The following CDH24 variants were observed in gnomAD, a reference collection of about 807,000 sequenced individuals.
CDH24 encodes the protein cadherin-24.
A neutral mutation model predicts 71.2 loss-of-function variants in CDH24; 61 were observed. The ratio of observed to expected loss-of-function variants is 0.86; its 90% confidence interval spans 0.70 to 1.06. CDH24 has a LOEUF of 1.06. Ranked by LOEUF, CDH24 falls within the 50% of genes least tolerant of loss-of-function variation. The pLI, the probability that CDH24 is intolerant of heterozygous loss-of-function variation, is 0.00. For missense variants in CDH24, 961 were observed against 1,083.7 expected (o/e 0.89, Z 1.59); for synonymous variants, 440 against 470.2 (o/e 0.94, Z 0.83).
Position 23,052,512 on chromosome 14 carries a change from G to C in CDH24, c.1324C>G (p.Arg442Gly). ...HTAAPLDREARAWHNLTVLAT... is the reference protein window; with the variant it reads ...HTAAPLDREAGAWHNLTVLAT... ...AGCACAGTGAGGTTGTGCCAGGCGCGAGCCTCGCGATCCAGGGGTGCTGCT... is the reference window on the plus strand; with the variant it reads ...AGCACAGTGAGGTTGTGCCAGGCGCCAGCCTCGCGATCCAGGGGTGCTGCT... The change falls in exon 8 of 13, where the codon CGC (arginine) becomes GGC (glycine). Residue 442 changes from arginine to glycine, a missense_variant. By Grantham distance (125) the Arg-to-Gly change is moderately radical (BLOSUM62 -2). Around this residue, in one of 2 missense-constraint regions of CDH24, gnomAD observed 671 missense variants for 810.9 expected, o/e 0.83. Coordinates refer to ENST00000487137, the MANE Select transcript of CDH24 (RefSeq NM_144985.4). The C allele has an allele frequency of 1.2e-6, 2 of 1,614,074 alleles. No individual in the cohort carries two copies. Among genetic ancestry groups the C allele is most frequent in the East Asian group, 2.2e-5 (1 of 44,884 alleles).
In CDH24 at chr14:23,048,298, G is replaced by C. The variant is rs767105892; in HGVS notation, c.2028C>G (p.Pro676=). ...QNPDGAAPPA[P]GPPARRDVLP... ...ACACGTCTCGGCGCGCGGGAGGGCCGGGCGCCGGGGGGGCCGCCCCGTCCG... is the reference window on the plus strand; with the variant it reads ...ACACGTCTCGGCGCGCGGGAGGGCCCGGCGCCGGGGGGGCCGCCCCGTCCG... The change falls in exon 12 of 13, where the codon CCC becomes CCG. Residue 676 remains proline (P), a synonymous_variant. Coordinates refer to ENST00000487137, the MANE Select transcript of CDH24 (RefSeq NM_144985.4). The C allele has an allele frequency of 1.0e-4, 161 of 1,595,578 alleles. No homozygotes were observed. In the African/African-American group the frequency reaches 2.1e-3, roughly 20 times the overall value.
At position 23,055,117 on chromosome 14, in the gene CDH24, A is replaced by G. The variant is rs941391190; in HGVS notation, c.438T>C (p.Asn146=). ...AGGGCCCAAGGGGAAAAATGGGTGG[A>G]TTGTCGTTGATGTCTTGCACTTTGA... The part of the protein sequence containing the change: ...FIIKVQDIND[N]PPIFPLGPYH... Residue 146 remains asparagine, a synonymous_variant, in exon 3 of 13, where the codon AAT becomes AAC. Transcript: ENST00000487137. This position sits in a 1 kb window ranked among gnomAD's most constrained non-coding sequence, Gnocchi z 4.1. 8 of 1,613,764 alleles carry G rather than the reference A, an allele frequency of 5.0e-6. No homozygotes were observed. Among genetic ancestry groups the G allele is most frequent in the African/African-American group, 1.3e-5 (1 of 74,926 alleles).
chr14:23,052,228 AC>A (rs2047089769), intron 8 of CDH24: 1 of 722,422 alleles, frequency 1.4e-6, no homozygotes, highest in African/African-American at 1.8e-5. Flanking sequence ...CACTGTGCCC[AC>A]CCAGCCCAGC....
At position 23,047,971 on chromosome 14, in the gene CDH24, C is replaced by T; in HGVS notation, c.*9G>A. On this transcript the variant is annotated 3_prime_UTR_variant, in exon 12 of 13. Coordinates refer to ENST00000487137, the MANE Select transcript of CDH24 (RefSeq NM_144985.4). ...CCCCCCCCGCGGTGGGCCGGGCCAGCCCGGGCGCTCAGGGGGCCGGGGGCT... is the reference window on the plus strand; with the variant it reads ...CCCCCCCCGCGGTGGGCCGGGCCAGTCCGGGCGCTCAGGGGGCCGGGGGCT... 2 of 1,326,178 alleles carry T rather than the reference C, an allele frequency of 1.5e-6. No homozygotes were observed. Among genetic ancestry groups the T allele is most frequent in the Non-Finnish European group, 1.9e-6 (2 of 1,043,872 alleles). The allele number at this position is 1,326,178 out of a possible 1,614,324, so 82.2% of individuals were successfully genotyped here. A position where few individuals can be genotyped will look rare whatever the true frequency, so the allele number is the denominator to read the frequency against.
Position 23,055,026 on chromosome 14 carries a change from G to T in CDH24, c.496+33C>A, listed in dbSNP as rs372977474. On this transcript the variant is annotated intron_variant, in intron 3 of 12. Transcript: ENST00000487137. The surrounding 1 kb of genome is among the most constrained non-coding windows in gnomAD (Gnocchi z 4.1). ...GAGAGGTGAGAGAGCTCCAGAAGAC[G>T]GGAACTGGGGCATTCAGAGCTGGGG... The T allele has an allele frequency of 2.5e-5, 40 of 1,597,650 alleles. No individual in the cohort carries two copies. The highest frequency in any genetic ancestry group is 8.4e-5 in the Admixed American group (5 of 59,450).
chr14:23,052,514 G>C lies in CDH24; in HGVS notation c.1322C>G (p.Ala441Gly). 1 of 1,614,100 alleles carries C rather than the reference G, an allele frequency of 6.2e-7. No individual in the cohort carries two copies. The highest frequency in any genetic ancestry group is 8.5e-7 in the Non-Finnish European group (1 of 1,180,018). The change falls in exon 8 of 13, where the codon GCT becomes GGT. Residue 441 changes from alanine to glycine, a missense_variant. Around this residue, in one of 2 missense-constraint regions of CDH24, gnomAD observed 671 missense variants for 810.9 expected, o/e 0.83. Transcript: ENST00000487137. ...CACAGTGAGGTTGTGCCAGGCGCGAGCCTCGCGATCCAGGGGTGCTGCTGT... is the reference window on the plus strand; with the variant it reads ...CACAGTGAGGTTGTGCCAGGCGCGACCCTCGCGATCCAGGGGTGCTGCTGT... ...IHTAAPLDRE[A>G]RAWHNLTVLA...
rs933508210 is a variant in CDH24 at position 23,057,273 on chromosome 14, C to T, written c.-125+130G>A. 1 of 152,170 alleles carries T rather than the reference C, an allele frequency of 6.6e-6. No individual in the cohort carries two copies. The highest frequency in any genetic ancestry group is 1.5e-5 in the Non-Finnish European group (1 of 68,192). The allele number at this position is 152,170 out of a possible 1,614,324, so 9.4% of individuals were successfully genotyped here. A position where few individuals can be genotyped will look rare whatever the true frequency, so the allele number is the denominator to read the frequency against. On this transcript the variant is annotated intron_variant, in intron 1 of 12. Coordinates refer to ENST00000487137, the MANE Select transcript of CDH24 (RefSeq NM_144985.4). The surrounding 1 kb of genome is among the most constrained non-coding windows in gnomAD (Gnocchi z 5.4). ...GAGGGGAGAAGGGAAAGAGGCAGAG[C>T]GCGGGAGAAGGGAGCCGGCAGCGGG...
rs1388574816 is a variant in CDH24 at position 23,055,861 on chromosome 14, C to T, written c.-124-4G>A. The T allele has an allele frequency of 9.3e-5, 69 of 742,724 alleles. No individual in the cohort carries two copies. The Admixed American group carries it at 1.8e-3, about 19-fold the overall frequency. The allele number at this position is 742,724 out of a possible 1,614,324, so 46.0% of individuals were successfully genotyped here. On this transcript the variant is annotated splice_polypyrimidine_tract_variant and splice_region_variant and intron_variant, in intron 1 of 12. Coordinates refer to ENST00000487137, the MANE Select transcript of CDH24 (RefSeq NM_144985.4). This position sits in a 1 kb window ranked among gnomAD's most constrained non-coding sequence, Gnocchi z 4.1. ...AGGCTACCCCATGGATCCACACCTG[C>T]AGGACAAGCAGCTGCTCAGGCTCAA...
rs1379245193 is a variant in CDH24, at chr14:23,049,241, A to G, written c.1632T>C (p.Pro544=). ...AGTAGGGGGCATGGCGGGGTGGAGC[A>G]GGGCGGGAGGGCAGCAGCAGGCTGG... The part of the protein sequence containing the change: ...GSASLLLPSR[P]APPRHAPYLV... The change falls in exon 11 of 13, where the codon CCT becomes CCC. Residue 544 remains proline (P), a synonymous_variant. Transcript: ENST00000487137. 1.3e-6 allele frequency: 2 copies of G among 1,576,300 alleles called. No homozygotes were observed. The highest frequency in any genetic ancestry group is 2.3e-5 in the East Asian group (1 of 43,418).
At chr14:23,052,097 TG>T in intron 8 of CDH24, 1 of 1,390,650 alleles carries the variant, frequency 7.2e-7, no homozygotes, top group Non-Finnish European at 1.0e-6. Flanking sequence ...AAGCAGAGAG[TG>T]GGCAGGATGG....
chr14:23,048,329 T>C lies in CDH24; in HGVS notation c.1997A>G (p.Gln666Arg). The change falls in exon 12 of 13, where the codon CAG becomes CGG. Residue 666 changes from glutamine (Q) to arginine (R), a missense_variant. Gln to Arg is a conservative substitution (Grantham distance 43). Transcript: ENST00000487137. ...CGGGGGGGCCGCCCCGTCCGGGTTC[T>C]GCAAGGCCGTGATGTCGAAGGCCTC... ...DTEAFDITAL[Q>R]NPDGAAPPAP... is the part of the protein sequence containing the mutation. 1.2e-6 allele frequency: 2 copies of C among 1,610,686 alleles called. No homozygotes were observed. The highest frequency in any genetic ancestry group is 1.7e-6 in the Non-Finnish European group (2 of 1,179,088).
chr14:23,054,928 T>TGG lies in CDH24; in HGVS notation c.497-64_497-63dup, dbSNP rs11418548. The TGG allele has an allele frequency of 1.7e-3, 2,661 of 1,574,428 alleles. 1 individual carries two copies. Among genetic ancestry groups the TGG allele is most frequent in the Non-Finnish European group, 1.7e-3 (1,995 of 1,155,198 alleles). ...GGGAAGGATGGGGAAGAACAACCGA[T>TGG]GGGGGGGGATGCAGATACGAGGGAG... On this transcript the variant is annotated intron_variant, in intron 3 of 12. Transcript: ENST00000487137. This position sits in a 1 kb window ranked among gnomAD's most constrained non-coding sequence, Gnocchi z 5.2.
chr14:23,047,971 C>A lies in CDH24; in HGVS notation c.*9G>T. ...CCCCCCCCGCGGTGGGCCGGGCCAG[C>A]CCGGGCGCTCAGGGGGCCGGGGGCT... is the stretch of plus-strand genomic sequence containing the variant. On this transcript the variant is annotated 3_prime_UTR_variant, in exon 12 of 13. Transcript: ENST00000487137. 7.5e-7 allele frequency: 1 copy of A among 1,326,180 alleles called. No homozygotes were observed. Among genetic ancestry groups the A allele is most frequent in the Non-Finnish European group, 9.6e-7 (1 of 1,043,874 alleles). 82.2% of individuals were successfully genotyped at this position (1,326,180 alleles called of 1,614,324 possible).
chr14:23,054,401 C>T lies in CDH24; in HGVS notation c.785-73G>A, dbSNP rs2047109180. ...TCCTCCCTCCCCACAGCACTTTATT[C>T]TCCCAGGATCTGGCTGGGGAGGAGG... On this transcript the variant is annotated intron_variant, in intron 5 of 12. Coordinates refer to ENST00000487137, the MANE Select transcript of CDH24 (RefSeq NM_144985.4). This position sits in a 1 kb window ranked among gnomAD's most constrained non-coding sequence, Gnocchi z 5.2. 1.3e-6 allele frequency: 2 copies of T among 1,547,744 alleles called. No homozygotes were observed. The highest frequency in any genetic ancestry group is 1.2e-5 in the South Asian group (1 of 80,842).
chr14:23,053,858 C>G, intron 6 of CDH24, 109 bp from the exon 7 acceptor site: 1 of 1,144,690 alleles, frequency 8.7e-7, no homozygotes, highest in Non-Finnish European at 1.2e-6. Flanking sequence ...GTGCTCAGTC[C>G]TCATGTGAGG....
Position 23,055,920 on chromosome 14 carries a change from G to C in CDH24, c.-124-63C>G. 4 of 576,154 alleles carry C rather than the reference G, an allele frequency of 6.9e-6. No homozygotes were observed. Among genetic ancestry groups the C allele is most frequent in the Non-Finnish European group, 9.2e-6 (3 of 324,754 alleles). 35.7% of individuals were successfully genotyped at this position (576,154 alleles called of 1,614,324 possible). A position where few individuals can be genotyped will look rare whatever the true frequency, so the allele number is the denominator to read the frequency against. On this transcript the variant is annotated intron_variant, in intron 1 of 12. Transcript: ENST00000487137. This position sits in a 1 kb window ranked among gnomAD's most constrained non-coding sequence, Gnocchi z 4.1. ...CTAGCCCTCCTCCCCCGCAAAATTA[G>C]ATGCTGAAGACCAGACCTCCAAGGA... is the stretch of plus-strand genomic sequence containing the variant.
Position 23,054,678 on chromosome 14 carries a change from G to T in CDH24, c.617-5C>A, listed in dbSNP as rs1283564651. The T allele has an allele frequency of 5.6e-6, 9 of 1,613,882 alleles. No homozygotes were observed. The highest frequency in any genetic ancestry group is 2.2e-5 in the South Asian group (2 of 91,082). On this transcript the variant is annotated splice_region_variant and splice_polypyrimidine_tract_variant and intron_variant, in intron 4 of 12. Coordinates refer to ENST00000487137, the MANE Select transcript of CDH24 (RefSeq NM_144985.4). The surrounding 1 kb of genome is among the most constrained non-coding windows in gnomAD (Gnocchi z 5.2). ...GGATGGCTGTACGCACCACTCCTAG[G>T]GAGAGATGCTGGTCAGAGGGTGTCT... is the stretch of plus-strand genomic sequence containing the variant.
In CDH24 at chr14:23,055,360, G is replaced by A; in HGVS notation, c.202-7C>T. ...GGTCAACATCCGAGTGCAGCTGCAG[G>A]GGTCACGAAAAGATGGCAGAGGGCT... On this transcript the variant is annotated splice_polypyrimidine_tract_variant and splice_region_variant and intron_variant, in intron 2 of 12. Coordinates refer to ENST00000487137, the MANE Select transcript of CDH24 (RefSeq NM_144985.4). The surrounding 1 kb of genome is among the most constrained non-coding windows in gnomAD (Gnocchi z 4.1). The A allele has an allele frequency of 1.2e-6, 2 of 1,603,124 alleles. No homozygotes were observed. Among genetic ancestry groups the A allele is most frequent in the African/African-American group, 1.3e-5 (1 of 74,808 alleles).
At chr14:23,053,381 G>T in intron 7 of CDH24, 115 bp downstream of exon 7, 1 of 1,253,254 alleles carries the variant, frequency 8.0e-7, no homozygotes, top group Non-Finnish European at 1.1e-6. Context: ...TGCAGGGAGG[G>T]AGGCTTTTGC....
Sources: gnomAD v4.1 joint callset for allele counts on GRCh38, gnomAD v4.1.1 for gene constraint, gnomAD v4.1.1 regional missense constraint, Gnocchi (gnomAD v3.1) non-coding constraint, MANE v1.5 for transcripts, NCBI Gene and HGNC (gene_info 2026-07-23, HGNC 2026-07-21) for gene names.